Variants in ULK4 observed in about 807,000 individuals in gnomAD.
ULK4 encodes unc-51 like kinase 4.
In ULK4, 133 loss-of-function variants were observed where a neutral mutation model predicts 160.6. The observed-to-expected ratio is 0.83, with a 90% CI of 0.72 to 0.96. The LOEUF is 0.96. Among genes scored for constraint, ULK4 ranks in the 40% least tolerant of loss-of-function variants. ULK4 has a pLI of 0.00. For missense variants in ULK4, 1,580 were observed against 1,499.5 expected, an observed-to-expected ratio of 1.05 and a Z score of -0.89; for synonymous variants, 534 against 539.8, an observed-to-expected ratio of 0.99 and a Z score of 0.15.
chr3:41,889,282 T>C (rs571282137), intron 16 of ULK4, among the ~76,000 whole-genome samples: 1 of 152,266 alleles, frequency 6.6e-6, no homozygotes, highest in South Asian at 2.1e-4. Context: ...CTAATATTTA[T>C]CTCAAATTCA....
At chr3:41,305,720 A>C in intron 35 of ULK4, among the ~76,000 whole-genome samples, 1 of 135,524 alleles carries the variant, frequency 7.4e-6, no homozygotes, top group East Asian at 2.4e-4. Context: ...CTGGCTGCCC[A>C]GTCTGGAAAG....
At position 41,321,676 on chromosome 3, in the gene ULK4, G is replaced by T. The variant is rs536066370; in HGVS notation, c.3679-72102C>A. Among the ~76,000 whole-genome samples the T allele has an allele frequency of 6.3e-5, 7 of 111,762 alleles. 1 individual carries two copies. The Admixed American group carries it at 6.6e-4, about 10-fold the overall frequency. 73.3% of individuals were successfully genotyped at this position (111,762 alleles called of 152,430 possible). A position where few individuals can be genotyped will look rare whatever the true frequency, so the allele number is the denominator to read the frequency against. Reference sequence around the variant, plus strand: ...GATCAGAAGCTTCCTGATAGGAGTCGGGTGAGTGGGCTCAAGCATGTGCAC... The same window carrying T: ...GATCAGAAGCTTCCTGATAGGAGTCTGGTGAGTGGGCTCAAGCATGTGCAC... On this transcript the variant is annotated intron_variant, in intron 35 of 36. Coordinates refer to ENST00000301831, the MANE Select transcript of ULK4 (RefSeq NM_017886.4).
At chr3:41,945,944 C>T (rs1285347016) in intron 2 of ULK4, among the ~76,000 whole-genome samples, 2 of 152,150 alleles carry the variant, frequency 1.3e-5, no homozygotes, top group Non-Finnish European at 1.5e-5. Flanking sequence ...TATTCAGACT[C>T]TTCATTCATA....
chr3:41,924,869 T>G (rs1699321994), intron 5 of ULK4, among the ~76,000 whole-genome samples: 1 of 152,146 alleles, frequency 6.6e-6, no homozygotes, highest in South Asian at 2.1e-4. Flanking sequence ...TCTTGCATAG[T>G]GCCCTTTCCT....
rs536399646 is a variant in ULK4 at position 41,938,921 on chromosome 3, G to A, written c.139-724C>T. Among the ~76,000 whole-genome samples the A allele has an allele frequency of 9.9e-5, 15 of 152,142 alleles. No homozygotes were observed. In the East Asian group the frequency reaches 2.7e-3, roughly 27 times the overall value. On this transcript the variant is annotated intron_variant, in intron 2 of 36. Transcript: ENST00000301831. Reference sequence around the variant, plus strand: ...AGAAAGAAAAAAACAATTTTAAAGGGTAAAAATTTTCTGCTAAGTAAACAT... The same window carrying A: ...AGAAAGAAAAAAACAATTTTAAAGGATAAAAATTTTCTGCTAAGTAAACAT...
At chr3:41,541,916 G>C (rs1433538150) in intron 32 of ULK4, among the ~76,000 whole-genome samples, 4 of 152,116 alleles carry the variant, frequency 2.6e-5, no homozygotes, top group Non-Finnish European at 4.4e-5. Context: ...CTAGACTTTG[G>C]GCTGAGATTA....
intron 32 of ULK4, among the ~76,000 whole-genome samples, chr3:41,529,472 A>G (rs2086227887): frequency 6.6e-6 from 1 of 152,200 alleles, no homozygotes; most frequent in Non-Finnish European, 1.5e-5. Context: ...ATCTGAACAT[A>G]TAAGAGCTTC....
intron 1 of ULK4, among the ~76,000 whole-genome samples, chr3:41,958,698 A>G (rs1229734487): frequency 6.6e-6 from 1 of 151,868 alleles, no homozygotes; most frequent in Non-Finnish European, 1.5e-5. Context: ...CCTGGGTGAC[A>G]AGAGTGAAAC....
chr3:41,899,887 AAAAT>A (rs1189682109), intron 13 of ULK4, among the ~76,000 whole-genome samples: 1 of 152,226 alleles, frequency 6.6e-6, no homozygotes, highest in Non-Finnish European at 1.5e-5. Context: ...GTCTATCTAG[AAAAT>A]AAATAAGAAT....
intron 30 of ULK4, among the ~76,000 whole-genome samples, chr3:41,655,316 G>T (rs1193896241): frequency 7.3e-6 from 1 of 137,166 alleles, no homozygotes; most frequent in Non-Finnish European, 1.5e-5. Context: ...TCATAGGTGG[G>T]AATTGAACAA....
At chr3:41,586,568 C>A (rs2030817613) in intron 31 of ULK4, among the ~76,000 whole-genome samples, 1 of 152,066 alleles carries the variant, frequency 6.6e-6, no homozygotes. Context: ...TCTAGAGATT[C>A]ATTGTATAAC....
At chr3:41,573,212 T>C (rs2088064343) in intron 31 of ULK4, among the ~76,000 whole-genome samples, 1 of 152,138 alleles carries the variant, frequency 6.6e-6, no homozygotes, top group Non-Finnish European at 1.5e-5. Flanking sequence ...AATGTACAGT[T>C]TCAGCAAATG....
At chr3:41,507,106 A>C (rs1333575518) in intron 32 of ULK4, among the ~76,000 whole-genome samples, 1 of 142,652 alleles carries the variant, frequency 7.0e-6, no homozygotes, top group Non-Finnish European at 1.5e-5. Context: ...AACAATAAAA[A>C]GGTAGACAAG....
At chr3:41,613,229 G>C (rs1263937459) in intron 31 of ULK4, among the ~76,000 whole-genome samples, 3 of 152,080 alleles carry the variant, frequency 2.0e-5, no homozygotes, top group Non-Finnish European at 4.4e-5. Flanking sequence ...TCAGCTCTAA[G>C]ATGCACCATT....
chr3:41,453,211 T>G (rs925634572), intron 34 of ULK4, among the ~76,000 whole-genome samples: 2 of 152,178 alleles, frequency 1.3e-5, no homozygotes, highest in African/African-American at 4.8e-5. Flanking sequence ...TCTTTCACTC[T>G]TTTGCCCAGG....
intron 14 of ULK4, among the ~76,000 whole-genome samples, chr3:41,897,257 C>A (rs1261790345): frequency 6.6e-6 from 1 of 152,148 alleles, no homozygotes; most frequent in African/African-American, 2.4e-5. Flanking sequence ...ATGTCTAAAG[C>A]AGAACTGTCC....
At chr3:41,663,808 T>C (rs1474678445) in intron 29 of ULK4, 109 bp from the exon 30 acceptor site, 1 of 881,264 alleles carries the variant, frequency 1.1e-6, no homozygotes, top group South Asian at 1.5e-5. Flanking sequence ...AAAGATATTT[T>C]ACACACTAAT....
chr3:41,370,053 C>T (rs765671430), intron 35 of ULK4, among the ~76,000 whole-genome samples: 1 of 152,010 alleles, frequency 6.6e-6, no homozygotes, highest in African/African-American at 2.4e-5. Context: ...GGTTGCTAAG[C>T]AACGTCACAA....
At chr3:41,571,578 G>A (rs1186079951) in intron 31 of ULK4, among the ~76,000 whole-genome samples, 3 of 152,128 alleles carry the variant, frequency 2.0e-5, no homozygotes, top group African/African-American at 7.2e-5. Context: ...TGTGGGGCTC[G>A]ATTTCTTCTT....
Sources: gnomAD v4.1 joint callset for allele counts (sites outside exome capture counted in the v4.1 genomes callset) on GRCh38, gnomAD v4.1.1 for gene constraint, MANE v1.5 for transcripts, NCBI Gene and HGNC (gene_info 2026-07-23, HGNC 2026-07-21) for gene names.